Variants in RAPGEF1 observed in about 807,000 individuals in gnomAD.
RAPGEF1 encodes Rap guanine nucleotide exchange factor 1, also known as CRK SH3-binding GNRP.
RAPGEF1 carries 33 observed loss-of-function variants against 143.3 expected under a neutral mutation model. That is an observed-to-expected ratio of 0.23 (90% CI 0.17 to 0.31). RAPGEF1 has a LOEUF of 0.31. Among genes scored for constraint, RAPGEF1 ranks in the 10% least tolerant of loss-of-function variants. The pLI is 1.00. For missense variants in RAPGEF1, 1,199 were observed against 1,645.4 expected (o/e 0.73, Z 4.69); for synonymous variants, 629 against 676.5 (o/e 0.93, Z 1.09).
intron 1 of RAPGEF1, among the ~76,000 whole-genome samples, chr9:131,657,936 C>T (rs1972955475): frequency 6.6e-6 from 1 of 152,238 alleles, no homozygotes; most frequent in South Asian, 2.1e-4. Flanking sequence ...TTGTTTTTTA[C>T]TCAATAGCAG....
At chr9:131,580,561 T>G (rs1220737729) in intron 25 of RAPGEF1, among the ~76,000 whole-genome samples, 170 bp from the exon 26 acceptor site, 1 of 152,160 alleles carries the variant, frequency 6.6e-6, no homozygotes, top group African/African-American at 2.4e-5. Flanking sequence ...CGCCTCAGCC[T>G]CTGGCCTCTG....
chr9:131,670,825 A>C (rs1488755799), intron 1 of RAPGEF1, among the ~76,000 whole-genome samples: 1 of 152,250 alleles, frequency 6.6e-6, no homozygotes, highest in Non-Finnish European at 1.5e-5. Flanking sequence ...GGAATTGCCA[A>C]CATTTGGCAA....
At chr9:131,624,560 C>A (rs1362936189) in intron 10 of RAPGEF1, among the ~76,000 whole-genome samples, 1 of 152,222 alleles carries the variant, frequency 6.6e-6, no homozygotes, top group African/African-American at 2.4e-5. Flanking sequence ...GCATCTGCTG[C>A]AGCTTGCAAG....
Position 131,651,099 on chromosome 9 carries a change from A to G in RAPGEF1, c.62-150T>C, listed in dbSNP as rs1970976723. 3.9e-6 allele frequency: 4 copies of G among 1,021,062 alleles called. No individual in the cohort carries two copies. The East Asian group carries it at 1.1e-4, about 28-fold the overall frequency. The allele number at this position is 1,021,062 out of a possible 1,614,324, so 63.3% of individuals were successfully genotyped here. A position where few individuals can be genotyped will look rare whatever the true frequency, so the allele number is the denominator to read the frequency against. On this transcript the variant is annotated intron_variant, in intron 1 of 26. Transcript: ENST00000683357. ...GGAAAGGACGTATGGATCCATTACA[A>G]AACATTTCTGCTTACATGCTTCAAT...
chr9:131,734,423 G>A (rs1261662851), intron 1 of RAPGEF1, among the ~76,000 whole-genome samples: 2 of 152,216 alleles, frequency 1.3e-5, no homozygotes, highest in Non-Finnish European at 2.9e-5. Flanking sequence ...AGATCGTTCT[G>A]ATTCTACCCC....
At chr9:131,596,815 T>C (rs912535398) in intron 16 of RAPGEF1, among the ~76,000 whole-genome samples, 2 of 152,218 alleles carry the variant, frequency 1.3e-5, no homozygotes, top group African/African-American at 4.8e-5. Flanking sequence ...AGCATGTTCA[T>C]GTTCCCCAAA....
At chr9:131,610,861 T>C (rs1046705168) in intron 12 of RAPGEF1, among the ~76,000 whole-genome samples, 3 of 152,308 alleles carry the variant, frequency 2.0e-5, no homozygotes, top group South Asian at 4.1e-4. Flanking sequence ...TTGATTCTTA[T>C]AGAGATGGGG....
At chr9:131,596,749 C>T (rs932742907) in intron 16 of RAPGEF1, among the ~76,000 whole-genome samples, 3 of 152,156 alleles carry the variant, frequency 2.0e-5, no homozygotes, top group East Asian at 1.9e-4. Context: ...CCCCTGGGGG[C>T]AAGACAGTCC....
intron 1 of RAPGEF1, among the ~76,000 whole-genome samples, chr9:131,714,267 T>C (rs1835704362): frequency 1.3e-5 from 2 of 152,032 alleles, no homozygotes; most frequent in South Asian, 2.1e-4. Flanking sequence ...CGCAAGACGC[T>C]GTTGGCTCCA....
At chr9:131,709,620 CTTGTTTCCAGGGGTACAGATGACT>C in intron 1 of RAPGEF1, 1 of 1,613,756 alleles carries the variant, frequency 6.2e-7, no homozygotes, top group Non-Finnish European at 8.5e-7. Flanking sequence ...GCTTTCTTAC[CTTGTTTCCAGGGGTACAGATGACT>C]TCGTTTCAAG....
chr9:131,736,920 A>AGACT (rs1225007460), intron 1 of RAPGEF1, among the ~76,000 whole-genome samples: 1 of 152,166 alleles, frequency 6.6e-6, no homozygotes, highest in Non-Finnish European at 1.5e-5. Flanking sequence ...ACTCCTCTGG[A>AGACT]GACTGAATAG....
chr9:131,677,814 C>G (rs143878375), intron 1 of RAPGEF1, among the ~76,000 whole-genome samples: 15 of 152,344 alleles, frequency 9.8e-5, no homozygotes, highest in Middle Eastern at 3.4e-3. Flanking sequence ...AAGCGGCCAG[C>G]TGCTGCAGAG....
chr9:131,580,746 A>G (rs891537336), intron 25 of RAPGEF1, among the ~76,000 whole-genome samples: 3 of 152,120 alleles, frequency 2.0e-5, no homozygotes, highest in African/African-American at 7.2e-5. Flanking sequence ...GGGCAGGGGC[A>G]GAGATCTCCT....
At chr9:131,656,795 G>T (rs1972591863) in intron 1 of RAPGEF1, among the ~76,000 whole-genome samples, 1 of 152,230 alleles carries the variant, frequency 6.6e-6, no homozygotes, top group Non-Finnish European at 1.5e-5. Flanking sequence ...CCTATGAGCT[G>T]TTGATGGAAC....
intron 1 of RAPGEF1, among the ~76,000 whole-genome samples, chr9:131,669,031 T>C (rs1384166467): frequency 6.6e-6 from 1 of 152,172 alleles, no homozygotes; most frequent in Non-Finnish European, 1.5e-5. Flanking sequence ...TGCTCTCCAG[T>C]GCAGTGCCAC....
intron 10 of RAPGEF1, 80 bp from the exon 11 acceptor site, chr9:131,622,078 A>T: frequency 7.3e-7 from 1 of 1,361,396 alleles, no homozygotes; most frequent in Non-Finnish European, 1.0e-6. Context: ...TTCCCACAGC[A>T]GCTAGGGGGC....
intron 1 of RAPGEF1, 98 bp from the exon 2 acceptor site, chr9:131,651,047 T>C (rs1389819009): frequency 7.9e-6 from 11 of 1,393,686 alleles, no homozygotes; most frequent in Non-Finnish European, 1.1e-5. Flanking sequence ...AAACCCATCT[T>C]TTTTCTTGGC....
chr9:131,705,481 C>G (rs1834984782), intron 1 of RAPGEF1, among the ~76,000 whole-genome samples: 1 of 152,152 alleles, frequency 6.6e-6, no homozygotes, highest in Non-Finnish European at 1.5e-5. Context: ...TGCATCTGTT[C>G]AAGGTCAAAG....
chr9:131,687,750 A>C (rs1418814617), intron 1 of RAPGEF1, among the ~76,000 whole-genome samples: 2 of 152,146 alleles, frequency 1.3e-5, no homozygotes, highest in African/African-American at 4.8e-5. Context: ...CTAAATGCTT[A>C]ATCTTCTCTC....
Sources: allele counts gnomAD v4.1 joint callset (sites outside exome capture counted in the v4.1 genomes callset), GRCh38; gene constraint gnomAD v4.1.1; transcripts MANE v1.5; gene names NCBI Gene and HGNC (gene_info 2026-07-23, HGNC 2026-07-21).